The following CAMK4 variants were observed in gnomAD, a reference collection of about 807,000 sequenced individuals.
CAMK4 encodes the protein calcium/calmodulin-dependent protein kinase type IV.
CAMK4 carries 22 observed loss-of-function variants against 44.9 expected under a neutral mutation model. That is an observed-to-expected ratio of 0.49 (90% CI 0.35 to 0.70). The LOEUF (loss-of-function observed/expected upper bound fraction) is 0.70. Ranked by LOEUF, CAMK4 falls within the 30% of genes least tolerant of loss-of-function variation. The probability of loss-of-function intolerance (pLI) is 0.01; values close to 1 mark genes in which losing one functional copy is unlikely to be tolerated. For missense variants in CAMK4, 498 were observed against 586.8 expected (o/e 0.85, Z 1.56); for synonymous variants, 218 against 215.4 (o/e 1.01, Z -0.11).
chr5:111,369,165 A>G (rs1001582368), intron 2 of CAMK4, among the ~76,000 whole-genome samples: 1 of 151,760 alleles, frequency 6.6e-6, no homozygotes, highest in African/African-American at 2.4e-5. Context: ...TCCTGGGTTC[A>G]AGTGATCTTT....
chr5:111,378,845 T>A (rs1372820698), intron 4 of CAMK4, among the ~76,000 whole-genome samples: 1 of 152,164 alleles, frequency 6.6e-6, no homozygotes, highest in Non-Finnish European at 1.5e-5. Flanking sequence ...AGTGGCTTTA[T>A]GTTGCTAATA....
intron 4 of CAMK4, among the ~76,000 whole-genome samples, chr5:111,379,443 A>T (rs746553664): frequency 1.3e-4 from 20 of 152,232 alleles, no homozygotes; most frequent in Non-Finnish European, 2.6e-4. Context: ...CCAGTAAAGC[A>T]CTCAACTCTT....
At chr5:111,343,245 T>A (rs892780430) in intron 1 of CAMK4, among the ~76,000 whole-genome samples, 1 of 151,752 alleles carries the variant, frequency 6.6e-6, no homozygotes, top group Non-Finnish European at 1.5e-5. Flanking sequence ...ACTTGGAATT[T>A]CAGGACCATG....
intron 1 of CAMK4, among the ~76,000 whole-genome samples, chr5:111,232,257 A>G (rs1353359430): frequency 6.6e-6 from 1 of 152,202 alleles, no homozygotes; most frequent in African/African-American, 2.4e-5. Context: ...TTAATAAAAG[A>G]TAAATTAATG....
At chr5:111,243,874 C>T (rs1391976127) in intron 1 of CAMK4, among the ~76,000 whole-genome samples, 3 of 152,184 alleles carry the variant, frequency 2.0e-5, no homozygotes, top group Non-Finnish European at 4.4e-5. Flanking sequence ...TCATCTTCAC[C>T]ATTCTTAAGA....
At position 111,224,569 on chromosome 5, in the gene CAMK4, T is replaced by A; in HGVS notation, c.86T>A (p.Val29Asp). 1 of 1,612,446 alleles carries A rather than the reference T, an allele frequency of 6.2e-7. No homozygotes were observed. The highest frequency in any genetic ancestry group is 8.5e-7 in the Non-Finnish European group (1 of 1,179,672). ...ASAAPGTASL[V>D]PDYWIDGSNR... ...GCGGCCCCGGGGACCGCGAGCCTCGTCCCGGATTACTGGATCGACGGCTCC... is the reference window on the plus strand; with the variant it reads ...GCGGCCCCGGGGACCGCGAGCCTCGACCCGGATTACTGGATCGACGGCTCC... The change falls in exon 1 of 11, where the codon GTC (valine) becomes GAC (aspartate). Residue 29 changes from valine (V) to aspartate (D), a missense_variant. Physicochemically the swap from Val to Asp is radical, Grantham distance 152 (BLOSUM62 -3). This residue lies in a region of CAMK4 where 152 missense variants were observed against 143.7 expected (regional missense o/e 1.06). Coordinates refer to ENST00000282356, the MANE Select transcript of CAMK4 (RefSeq NM_001744.6). This position sits in a 1 kb window ranked among gnomAD's most constrained non-coding sequence, Gnocchi z 5.7.
intron 5 of CAMK4, among the ~76,000 whole-genome samples, chr5:111,432,458 A>G (rs544701562): frequency 3.1e-4 from 47 of 152,062 alleles, no homozygotes; most frequent in African/African-American, 1.1e-3. Context: ...CAATATGGTG[A>G]TTATAGGCAA....
intron 4 of CAMK4, among the ~76,000 whole-genome samples, chr5:111,394,456 A>C (rs568051851): frequency 1.3e-5 from 2 of 152,348 alleles, no homozygotes; most frequent in African/African-American, 4.8e-5. Flanking sequence ...AACAAAGCTT[A>C]AAACAGACAA....
At position 111,224,439 on chromosome 5, in the gene CAMK4, AGCG is replaced by A. The variant is rs747839230; in HGVS notation, c.-24_-22del. The A allele has an allele frequency of 7.8e-4, 1,164 of 1,501,536 alleles. No individual in the cohort carries two copies. Among genetic ancestry groups the A allele is most frequent in the Admixed American group, 2.9e-3 (142 of 49,334 alleles). 93.0% of individuals were successfully genotyped at this position (1,501,536 alleles called of 1,614,324 possible). On this transcript the variant is annotated 5_prime_UTR_variant, in exon 1 of 11. Coordinates refer to ENST00000282356, the MANE Select transcript of CAMK4 (RefSeq NM_001744.6). This position sits in a 1 kb window ranked among gnomAD's most constrained non-coding sequence, Gnocchi z 5.7. ...CTGGCGGCCGGCTTCTCGCTCGGGC[AGCG>A]GCGGCGGCGGCGGCGGCGGCTTCCG...
chr5:111,457,073 A>G (rs997858365), intron 7 of CAMK4, among the ~76,000 whole-genome samples: 2 of 152,238 alleles, frequency 1.3e-5, no homozygotes, highest in Non-Finnish European at 2.9e-5. Flanking sequence ...CAGAGATGAC[A>G]CTGTGCTCTG....
intron 5 of CAMK4, among the ~76,000 whole-genome samples, chr5:111,406,407 A>G (rs934886603): frequency 1.3e-5 from 2 of 151,884 alleles, no homozygotes; most frequent in South Asian, 2.1e-4. Context: ...TATTTTTTGT[A>G]GAGACGAGGT....
intron 1 of CAMK4, among the ~76,000 whole-genome samples, chr5:111,261,632 T>A (rs1294019642): frequency 6.6e-6 from 1 of 152,018 alleles, no homozygotes; most frequent in Non-Finnish European, 1.5e-5. Flanking sequence ...GCCATCTTTT[T>A]AAAAATTTTA....
intron 9 of CAMK4, among the ~76,000 whole-genome samples, chr5:111,480,858 T>C (rs1755411513): frequency 6.6e-6 from 1 of 152,204 alleles, no homozygotes; most frequent in African/African-American, 2.4e-5. Context: ...ATAAGAGGGT[T>C]AGCTTTGATG....
chr5:111,341,268 T>C (rs933181936), intron 1 of CAMK4, among the ~76,000 whole-genome samples: 12 of 151,268 alleles, frequency 7.9e-5, no homozygotes, highest in African/African-American at 2.9e-4. Context: ...AAGAAATCAT[T>C]GCCTAACTAA....
intron 5 of CAMK4, among the ~76,000 whole-genome samples, chr5:111,431,576 C>T (rs977628969): frequency 6.6e-6 from 1 of 151,938 alleles, no homozygotes; most frequent in Non-Finnish European, 1.5e-5. Flanking sequence ...AAGAGACAAC[C>T]CACAGAATGG....
chr5:111,417,570 G>A (rs892332586), intron 5 of CAMK4, among the ~76,000 whole-genome samples: 7 of 151,990 alleles, frequency 4.6e-5, no homozygotes, highest in African/African-American at 7.3e-5. Context: ...TGTTGCCCAG[G>A]GTGATCTCAA....
chr5:111,365,537 G>A (rs1750759947), intron 2 of CAMK4, among the ~76,000 whole-genome samples: 1 of 152,072 alleles, frequency 6.6e-6, no homozygotes, highest in African/African-American at 2.4e-5. Context: ...TGAAAGGGAG[G>A]TGGGAAAATG....
intron 1 of CAMK4, among the ~76,000 whole-genome samples, chr5:111,236,691 A>G (rs1748744154): frequency 6.6e-6 from 1 of 152,188 alleles, no homozygotes; most frequent in Non-Finnish European, 1.5e-5. Context: ...TCAGGTAGAA[A>G]GTTTCTGCCC....
intron 1 of CAMK4, among the ~76,000 whole-genome samples, chr5:111,313,078 G>A (rs1748277258): frequency 6.6e-6 from 1 of 152,076 alleles, no homozygotes; most frequent in Non-Finnish European, 1.5e-5. Flanking sequence ...TTTAAATTGG[G>A]TAGGTCTCAA....
Sources: gnomAD v4.1 joint callset for allele counts (sites outside exome capture counted in the v4.1 genomes callset) on GRCh38, gnomAD v4.1.1 for gene constraint, gnomAD v4.1.1 regional missense constraint, Gnocchi (gnomAD v3.1) non-coding constraint, MANE v1.5 for transcripts, NCBI Gene and HGNC (gene_info 2026-07-23, HGNC 2026-07-21) for gene names.